NUFIP1: variants seen among roughly 807,000 people sequenced by gnomAD.
NUFIP1 encodes FMR1-interacting protein NUFIP1.
A neutral mutation model predicts 56.2 loss-of-function variants in NUFIP1; 38 were observed. That is an observed-to-expected ratio of 0.68 (90% CI 0.52 to 0.89). The LOEUF (loss-of-function observed/expected upper bound fraction) is 0.89. Among genes scored for constraint, NUFIP1 ranks in the 40% least tolerant of loss-of-function variants. The pLI is 0.00. For missense variants in NUFIP1, 567 were observed against 605.8 expected (o/e 0.94, Z 0.67); for synonymous variants, 215 against 212.4 (o/e 1.01, Z -0.10).
At chr13:44,958,348 T>C (rs1393223530) in intron 7 of NUFIP1, among the ~76,000 whole-genome samples, 2 of 152,202 alleles carry the variant, frequency 1.3e-5, no homozygotes, top group Non-Finnish European at 2.9e-5. Flanking sequence ...TAACGGTATA[T>C]GTGTAAAAGG....
At chr13:44,964,065 C>T (rs909790699) in intron 6 of NUFIP1, among the ~76,000 whole-genome samples, 7 of 152,118 alleles carry the variant, frequency 4.6e-5, no homozygotes, top group African/African-American at 1.4e-4. Context: ...TTTAAAGGTC[C>T]TTAAACCCTA....
intron 7 of NUFIP1, among the ~76,000 whole-genome samples, chr13:44,955,189 C>G (rs1260119736): frequency 1.3e-5 from 2 of 152,154 alleles, no homozygotes; most frequent in Non-Finnish European, 2.9e-5. Context: ...GGCCAGTCAG[C>G]AGAATACACA....
rs535655560 is a variant in NUFIP1 at position 44,989,402 on chromosome 13, A to T, written c.35T>A (p.Ile12Asn). 112 of 1,613,612 alleles carry T rather than the reference A, an allele frequency of 6.9e-5. 2 individuals carry two copies. In the South Asian group the frequency reaches 1.2e-3, roughly 17 times the overall value. Reference protein sequence around the residue: ...AEPTSDFETPIGWHASPELTP... With the variant: ...AEPTSDFETPNGWHASPELTP... ...CAGCTCGGGAGACGCATGCCACCCG[A>T]TAGGAGTCTCGAAATCACTAGTCGG... Residue 12 changes from isoleucine (I) to asparagine (N), a missense_variant, in exon 1 of 10, where the codon ATC becomes AAC. Coordinates refer to ENST00000379161, the MANE Select transcript of NUFIP1 (RefSeq NM_012345.3).
In NUFIP1 at chr13:44,949,839, C is replaced by G. The variant is rs889254359; in HGVS notation, c.1022-1G>C. On this transcript the variant is annotated splice_acceptor_variant, in intron 7 of 9. Transcript: ENST00000379161. LOFTEE classifies it high-confidence loss of function. ...TGTGGTTTCTCCTCCTTATCAGACT[C>G]TGAAGGGAAAAGAAGTCAGATTCAA... The G allele has an allele frequency of 1.2e-6, 2 of 1,602,102 alleles. No individual in the cohort carries two copies. Among genetic ancestry groups the G allele is most frequent in the Non-Finnish European group, 1.7e-6 (2 of 1,169,080 alleles).
At chr13:44,949,391 CG>C in intron 8 of NUFIP1, among the ~76,000 whole-genome samples, 1 of 151,194 alleles carries the variant, frequency 6.6e-6, no homozygotes, top group African/African-American at 2.4e-5. Flanking sequence ...TTAGTAGAGA[CG>C]GGGTTTCACC....
At position 44,939,948 on chromosome 13, in the gene NUFIP1, C is replaced by T. The variant is rs1870673624; in HGVS notation, c.*1258G>A. 6.6e-6 allele frequency: 1 copy of T among 152,052 alleles called. No individual in the cohort carries two copies. Among genetic ancestry groups the T allele is most frequent in the Admixed American group, 6.5e-5 (1 of 15,276 alleles). The allele number at this position is 152,052 out of a possible 1,614,324, so 9.4% of individuals were successfully genotyped here. ...ACTGTGTTATATTTTAGAATATCAACTCAGTTGTAACACTAGTTACTTCAT... is the reference window on the plus strand; with the variant it reads ...ACTGTGTTATATTTTAGAATATCAATTCAGTTGTAACACTAGTTACTTCAT... On this transcript the variant is annotated 3_prime_UTR_variant, in exon 10 of 10. Transcript: ENST00000379161.
At chr13:44,966,374 G>C (rs903161315) in intron 5 of NUFIP1, among the ~76,000 whole-genome samples, 6 of 151,964 alleles carry the variant, frequency 3.9e-5, no homozygotes, top group Admixed American at 1.3e-4. Context: ...GAGTGCAATG[G>C]TGCGATCTCA....
At chr13:44,955,634 T>C (rs1444454520) in intron 7 of NUFIP1, among the ~76,000 whole-genome samples, 19 of 152,210 alleles carry the variant, frequency 1.2e-4, no homozygotes, top group Admixed American at 1.2e-3. Flanking sequence ...ACAACTTGAA[T>C]AACCAGATTT....
chr13:44,974,778 A>G (rs543132076), intron 5 of NUFIP1, among the ~76,000 whole-genome samples: 1 of 152,174 alleles, frequency 6.6e-6, no homozygotes, highest in South Asian at 2.1e-4. Flanking sequence ...GCCGTTAGAA[A>G]TCTGAAAGTG....
chr13:44,942,698 G>C (rs1870782792), intron 9 of NUFIP1, among the ~76,000 whole-genome samples: 1 of 152,144 alleles, frequency 6.6e-6, no homozygotes, highest in African/African-American at 2.4e-5. Flanking sequence ...AGAACTTGAA[G>C]ATGCATTGCT....
chr13:44,963,434 A>AC, intron 6 of NUFIP1, among the ~76,000 whole-genome samples: 1 of 152,366 alleles, frequency 6.6e-6, no homozygotes, highest in East Asian at 1.9e-4. Context: ...GTAACACTGG[A>AC]CATCCTTATC....
At chr13:44,985,774 C>A (rs1029132368) in intron 1 of NUFIP1, among the ~76,000 whole-genome samples, 1 of 152,108 alleles carries the variant, frequency 6.6e-6, no homozygotes. Context: ...TCCTCTGAGA[C>A]GCAATATTCA....
chr13:44,981,924 T>TGTTTAACATAAAACATAAAACAG, intron 2 of NUFIP1, 148 bp downstream of exon 2: 1 of 410,628 alleles, frequency 2.4e-6, no homozygotes, highest in Non-Finnish European at 4.4e-6. Context: ...GCTATATTCA[T>TGTTTAACATAAAACATAAAACAG]GTTTAACCAT....
Position 44,980,703 on chromosome 13 carries a change from G to C in NUFIP1, c.594+19C>G. 2 of 1,504,154 alleles carry C rather than the reference G, an allele frequency of 1.3e-6. No homozygotes were observed. The highest frequency in any genetic ancestry group is 1.2e-5 in the South Asian group (1 of 83,458). The allele number at this position is 1,504,154 out of a possible 1,614,324, so 93.2% of individuals were successfully genotyped here. A position where few individuals can be genotyped will look rare whatever the true frequency, so the allele number is the denominator to read the frequency against. On this transcript the variant is annotated intron_variant, in intron 3 of 9. Coordinates refer to ENST00000379161, the MANE Select transcript of NUFIP1 (RefSeq NM_012345.3). ...AGCACAATTGCTACATCAGTTTCAG[G>C]ACAACTAAGAAAACCTACTTTTGTA...
intron 2 of NUFIP1, among the ~76,000 whole-genome samples, chr13:44,981,144 T>C (rs79837775): frequency 0.017 from 2,633 of 152,146 alleles, 75 homozygotes; most frequent in East Asian, 0.085. Context: ...TGAAAATAAA[T>C]AGAATAAAAA....
At chr13:44,971,975 T>C (rs917285311) in intron 5 of NUFIP1, among the ~76,000 whole-genome samples, 10 of 152,130 alleles carry the variant, frequency 6.6e-5, no homozygotes, top group African/African-American at 2.4e-4. Flanking sequence ...AAGGTTGCCA[T>C]TCCATTTCCT....
intron 5 of NUFIP1, among the ~76,000 whole-genome samples, chr13:44,970,831 T>G (rs1307480458): frequency 6.6e-6 from 1 of 152,112 alleles, no homozygotes; most frequent in African/African-American, 2.4e-5. Flanking sequence ...CGTGCCACGA[T>G]GCCCAGCTAA....
chr13:44,984,789 A>G (rs1230285212), intron 1 of NUFIP1, among the ~76,000 whole-genome samples: 1 of 152,126 alleles, frequency 6.6e-6, no homozygotes, highest in Non-Finnish European at 1.5e-5. Context: ...TACATGTGCC[A>G]TACTGGTGTG....
intron 1 of NUFIP1, among the ~76,000 whole-genome samples, chr13:44,986,167 C>G (rs900059696): frequency 1.3e-5 from 2 of 152,174 alleles, no homozygotes; most frequent in African/African-American, 4.8e-5. Flanking sequence ...ATAGTGATTC[C>G]TCTAATGGAT....
Sources: allele counts gnomAD v4.1 joint callset (sites outside exome capture counted in the v4.1 genomes callset), GRCh38; gene constraint gnomAD v4.1.1; transcripts MANE v1.5; gene names NCBI Gene and HGNC (gene_info 2026-07-23, HGNC 2026-07-21).